Variants in ALG13 observed in about 807,000 individuals in gnomAD.
ALG13 encodes ALG13 UDP-N-acetylglucosaminyltransferase subunit, also known as UDP-N-acetylglucosamine transferase subunit ALG13.
In ALG13, 11 loss-of-function variants were observed where a neutral mutation model predicts 87.8. That is an observed-to-expected ratio of 0.13 (90% CI 0.08 to 0.21). ALG13 has a LOEUF of 0.21. Among genes scored for constraint, ALG13 ranks in the 10% least tolerant of loss-of-function variants. The probability of loss-of-function intolerance (pLI) is 1.00; values close to 1 mark genes in which losing one functional copy is unlikely to be tolerated. For synonymous variants in ALG13, 320 were observed against 306.3 expected, an observed-to-expected ratio of 1.04 and a Z score of -0.47; for missense variants, 756 against 866.1, an observed-to-expected ratio of 0.87 and a Z score of 1.60.
At chrX:111,688,828 G>A (rs761555655) in intron 3 of ALG13, 383 of 748,731 alleles carry the variant, frequency 5.1e-4, no homozygotes, top group Non-Finnish European at 5.9e-4. Context: ...GACTTAACTT[G>A]AGCAAGATAC....
chrX:111,759,047 G>A (rs1251818247), intron 26 of ALG13, among the ~76,000 whole-genome samples: 5 of 106,406 alleles, frequency 4.7e-5, no homozygotes, highest in Non-Finnish European at 9.7e-5. Flanking sequence ...TTTGAATTTT[G>A]TGCAGTATAC....
At chrX:111,706,800 A>G (rs982004451) in intron 3 of ALG13, 5 of 110,517 alleles carry the variant, frequency 4.5e-5, no homozygotes, top group African/African-American at 1.6e-4. Flanking sequence ...TCAAATTGGC[A>G]TGCAAAGGAA....
At chrX:111,738,144 TAAAG>T (rs1027083755) in intron 23 of ALG13, among the ~76,000 whole-genome samples, 2 of 112,234 alleles carry the variant, frequency 1.8e-5, no homozygotes, top group Non-Finnish European at 3.8e-5. Flanking sequence ...TACAAAACAT[TAAAG>T]AATAACATAA....
rs2148135895 is a variant in ALG13 at position 111,720,109 on chromosome X, G to T, written c.1265G>T (p.Gly422Val). ...TTTTGAATTAGGATGGAAGAGTGGG[G>T]TGCCTGCTACAATGCTGAAAATATA... Reference protein sequence around the residue: ...SSNQNRMEEWGACYNAENIPE... With the variant: ...SSNQNRMEEWVACYNAENIPE... The change falls in exon 11 of 27, where the codon GGT (glycine) becomes GTT (valine). Residue 422 changes from glycine to valine, a missense_variant. Transcript: ENST00000394780. 8.4e-7 allele frequency: 1 copy of T among 1,189,830 alleles called. No individual in the cohort carries two copies. Among genetic ancestry groups the T allele is most frequent in the Non-Finnish European group, 1.1e-6 (1 of 882,589 alleles).
At chrX:111,747,093 T>C (rs1269868886) in intron 24 of ALG13, among the ~76,000 whole-genome samples, 2 of 111,743 alleles carry the variant, frequency 1.8e-5, no homozygotes, top group Non-Finnish European at 3.8e-5. Flanking sequence ...GGCCATAGTT[T>C]ATATTAGTGT....
chrX:111,703,253 C>A (rs769734784), intron 3 of ALG13, among the ~76,000 whole-genome samples: 1 of 110,221 alleles, frequency 9.1e-6, no homozygotes, highest in African/African-American at 3.3e-5. Flanking sequence ...CATTTCACTT[C>A]GGGCTTCCTG....
intron 23 of ALG13, among the ~76,000 whole-genome samples, chrX:111,738,783 C>T (rs1237348795): frequency 4.7e-5 from 5 of 107,462 alleles, no homozygotes; most frequent in Non-Finnish European, 9.6e-5. Context: ...GTGATCCACC[C>T]ACCTCAGCCT....
At chrX:111,709,215 T>C (rs1337804689) in intron 5 of ALG13, among the ~76,000 whole-genome samples, 167 bp downstream of exon 5, 1 of 112,139 alleles carries the variant, frequency 8.9e-6, no homozygotes, top group African/African-American at 3.2e-5. Flanking sequence ...CTTGAGCCTC[T>C]GCTAGAATTA....
chrX:111,693,164 C>CTTTTTT (rs61239915), intron 3 of ALG13, among the ~76,000 whole-genome samples: 7 of 55,104 alleles, frequency 1.3e-4, no homozygotes, highest in Non-Finnish European at 2.5e-4. Flanking sequence ...GTTTTTAATT[C>CTTTTTT]TTTTTTTTTT....
rs745769847 is a variant in ALG13 at position 111,755,662 on chromosome X, A to T, written c.2974-1926A>T. On this transcript the variant is annotated intron_variant, in intron 25 of 26. Coordinates refer to ENST00000394780, the MANE Select transcript of ALG13 (RefSeq NM_001099922.3). ...AAGAAGACATTTATGTGGCCAACAA[A>T]CAGGAAGAACTCATCACTGGTCATT... Among the ~76,000 whole-genome samples the T allele has an allele frequency of 5.3e-5, 6 of 112,883 alleles. No individual in the cohort carries two copies. The East Asian group carries it at 1.4e-3, about 26-fold the overall frequency.
intron 22 of ALG13, among the ~76,000 whole-genome samples, chrX:111,735,769 A>G (rs1943173802): frequency 1.8e-5 from 2 of 111,012 alleles, no homozygotes; most frequent in Non-Finnish European, 1.9e-5. Flanking sequence ...AGTTTCAGAG[A>G]ACCAGTGTGG....
At chrX:111,758,542 T>C (rs1945466833) in intron 26 of ALG13, among the ~76,000 whole-genome samples, 1 of 112,456 alleles carries the variant, frequency 8.9e-6, no homozygotes, top group Non-Finnish European at 1.9e-5. Context: ...GAATGTAGTT[T>C]CTTAAATTGT....
At chrX:111,713,950 T>C (rs1240793951) in intron 8 of ALG13, among the ~76,000 whole-genome samples, 1 of 111,926 alleles carries the variant, frequency 8.9e-6, no homozygotes, top group Non-Finnish European at 1.9e-5. Context: ...ATTATTTTAT[T>C]AGTGAAATAT....
Position 111,760,255 on chromosome X carries a change from C to A in ALG13, c.*256C>A. ...ATACTTCATTGTATTCAGCTGTTTT[C>A]CTGTCAGCCATTTGTCAGCTTTATA... On this transcript the variant is annotated 3_prime_UTR_variant, in exon 27 of 27. Coordinates refer to ENST00000394780, the MANE Select transcript of ALG13 (RefSeq NM_001099922.3). The A allele has an allele frequency of 3.2e-6, 1 of 316,769 alleles. No homozygotes were observed. Among genetic ancestry groups the A allele is most frequent in the Non-Finnish European group, 5.4e-6 (1 of 184,023 alleles). 26.1% of individuals were successfully genotyped at this position (316,769 alleles called of 1,213,427 possible).
intron 3 of ALG13, among the ~76,000 whole-genome samples, chrX:111,695,993 T>C (rs1936920453): frequency 8.9e-6 from 1 of 111,869 alleles, no homozygotes; most frequent in African/African-American, 3.2e-5. Context: ...CTTAATTTGC[T>C]TCATGTTATT....
intron 24 of ALG13, among the ~76,000 whole-genome samples, chrX:111,748,202 G>A (rs1354822827): frequency 8.9e-6 from 1 of 112,184 alleles, no homozygotes; most frequent in Non-Finnish European, 1.9e-5. Context: ...ATTATATCAG[G>A]TATGTCTTTT....
intron 3 of ALG13, among the ~76,000 whole-genome samples, chrX:111,700,783 C>T (rs1479419738): frequency 1.1e-5 from 1 of 90,849 alleles, no homozygotes; most frequent in African/African-American, 4.4e-5. Context: ...AGTAGAGATG[C>T]GGTTTCACTA....
intron 2 of ALG13, among the ~76,000 whole-genome samples, chrX:111,683,840 C>G (rs1934223355): frequency 8.9e-6 from 1 of 111,782 alleles, no homozygotes; most frequent in Non-Finnish European, 1.9e-5. Flanking sequence ...ACATGTAAAC[C>G]CATAAGAAGT....
At chrX:111,738,734 G>T (rs984977120) in intron 23 of ALG13, among the ~76,000 whole-genome samples, 1 of 109,226 alleles carries the variant, frequency 9.2e-6, no homozygotes, top group Non-Finnish European at 1.9e-5. Flanking sequence ...ACAGGGTCTT[G>T]CCATGTTGCC....
Sources: gnomAD v4.1 joint callset for allele counts (sites outside exome capture counted in the v4.1 genomes callset) on GRCh38, gnomAD v4.1.1 for gene constraint, MANE v1.5 for transcripts, NCBI Gene and HGNC (gene_info 2026-07-23, HGNC 2026-07-21) for gene names.